CPNE8: variants seen among roughly 807,000 people sequenced by gnomAD.
CPNE8 encodes copine-8.
A neutral mutation model predicts 81.5 loss-of-function variants in CPNE8; 45 were observed. That is an observed-to-expected ratio of 0.55 (90% CI 0.44 to 0.71). CPNE8 has a LOEUF of 0.71. Among genes scored for constraint, CPNE8 ranks in the 30% least tolerant of loss-of-function variants. The pLI is 0.00. For missense variants in CPNE8, 594 were observed against 672.1 expected, an observed-to-expected ratio of 0.88 and a Z score of 1.28; for synonymous variants, 252 against 226.3, an observed-to-expected ratio of 1.11 and a Z score of -1.02.
intron 5 of CPNE8, among the ~76,000 whole-genome samples, chr12:38,834,099 G>A (rs897006216): frequency 1.3e-5 from 2 of 152,138 alleles, no homozygotes; most frequent in African/African-American, 4.8e-5. Context: ...GAAAGCCATT[G>A]GAGGGTTTAA....
chr12:38,778,176 C>A (rs1941973810), intron 6 of CPNE8, among the ~76,000 whole-genome samples: 1 of 152,034 alleles, frequency 6.6e-6, no homozygotes, highest in African/African-American at 2.4e-5. Context: ...CCCGAAACTA[C>A]CCCCAAACCC....
intron 5 of CPNE8, among the ~76,000 whole-genome samples, chr12:38,832,214 G>A (rs1943299273): frequency 6.6e-6 from 1 of 152,164 alleles, no homozygotes; most frequent in African/African-American, 2.4e-5. Flanking sequence ...AAACACCTGA[G>A]TGCTAGGTAA....
rs780052344 is a variant in CPNE8, at chr12:38,745,249, C to G, written c.723-14891G>C. On this transcript the variant is annotated intron_variant, in intron 10 of 19. Transcript: ENST00000331366. The stretch of plus-strand genomic sequence containing the variant: ...TCCATCCTTTTTTGATTCCTACACT[C>G]CTTTCAGATAAATCACATATCATAC... Among the ~76,000 whole-genome samples, 10 of 152,338 alleles carry G rather than the reference C, an allele frequency of 6.6e-5. No individual in the cohort carries two copies. In the South Asian group the frequency reaches 1.0e-3, roughly 16 times the overall value.
intron 6 of CPNE8, among the ~76,000 whole-genome samples, chr12:38,806,791 T>C (rs930083699): frequency 6.7e-6 from 1 of 148,628 alleles, no homozygotes; most frequent in African/African-American, 2.4e-5. Context: ...GGTATTCAAT[T>C]AGGAAAAGAG....
chr12:38,670,747 A>G lies in CPNE8; in HGVS notation c.1488T>C (p.Ala496=), dbSNP rs140871987. 21 of 1,608,230 alleles carry G rather than the reference A, an allele frequency of 1.3e-5. No homozygotes were observed. In the African/African-American group the frequency reaches 2.4e-4, roughly 18 times the overall value. Residue 496 remains alanine (A), a synonymous_variant, in exon 19 of 20, where the codon GCT becomes GCC. Coordinates refer to ENST00000331366, the MANE Select transcript of CPNE8 (RefSeq NM_153634.3). ...TTCTTACCTGCACAATGTCTCTTTC[A>G]GCATATTTTCCTCTAGAGGAGACTC... The part of the protein sequence containing the change: ...DVRVSSRGKY[A]ERDIVQFVPF...
chr12:38,751,759 G>C (rs181465424), intron 10 of CPNE8, among the ~76,000 whole-genome samples: 6 of 152,112 alleles, frequency 3.9e-5, no homozygotes, highest in African/African-American at 1.4e-4. Context: ...TGACAGACAT[G>C]TATGAAACCT....
chr12:38,871,705 C>CT (rs1315059731), intron 3 of CPNE8, among the ~76,000 whole-genome samples: 1 of 152,102 alleles, frequency 6.6e-6, no homozygotes, highest in East Asian at 1.9e-4. Context: ...GGGAGAGAAA[C>CT]TCAGGATGAC....
chr12:38,833,808 A>C (rs1943338483), intron 5 of CPNE8, among the ~76,000 whole-genome samples: 1 of 152,124 alleles, frequency 6.6e-6, no homozygotes, highest in African/African-American at 2.4e-5. Flanking sequence ...AAAGGATAAC[A>C]TGAAGAGCTC....
chr12:38,844,979 C>T (rs182203661), intron 4 of CPNE8, among the ~76,000 whole-genome samples: 127 of 152,120 alleles, frequency 8.3e-4, no homozygotes, highest in African/African-American at 2.9e-3. Flanking sequence ...GAAAATTGAT[C>T]ACACAAAATG....
At chr12:38,695,342 C>T (rs1398109624) in intron 14 of CPNE8, among the ~76,000 whole-genome samples, 4 of 152,146 alleles carry the variant, frequency 2.6e-5, no homozygotes. Flanking sequence ...TCAATAAGAA[C>T]CAATTAGCAA....
chr12:38,775,915 CA>C (rs1465178267), intron 7 of CPNE8, among the ~76,000 whole-genome samples: 1 of 152,006 alleles, frequency 6.6e-6, no homozygotes, highest in African/African-American at 2.4e-5. Context: ...AAAAATACTG[CA>C]AAAAAGTTTG....
At chr12:38,707,990 C>A (rs560456839) in intron 13 of CPNE8, among the ~76,000 whole-genome samples, 1 of 152,128 alleles carries the variant, frequency 6.6e-6, no homozygotes, top group Non-Finnish European at 1.5e-5. Context: ...TTATATTGTT[C>A]AATGACAAAG....
At chr12:38,729,197 C>G (rs1327364025) in intron 11 of CPNE8, among the ~76,000 whole-genome samples, 2 of 152,046 alleles carry the variant, frequency 1.3e-5, no homozygotes, top group Non-Finnish European at 2.9e-5. Context: ...GTTAGGCAGA[C>G]AAAATAGGTA....
intron 3 of CPNE8, among the ~76,000 whole-genome samples, chr12:38,866,514 T>C (rs1592145119): frequency 6.6e-6 from 1 of 152,272 alleles, no homozygotes; most frequent in Non-Finnish European, 1.5e-5. Context: ...TAGCTTTGTA[T>C]GTTTCATCAT....
Position 38,868,090 on chromosome 12 carries a change from A to G in CPNE8, c.186+4914T>C, listed in dbSNP as rs142120324. 6.2e-3 allele frequency among the ~76,000 whole-genome samples: 939 copies of G among 152,236 alleles called. 2 individuals carry two copies. The highest frequency in any genetic ancestry group is 0.011 in the Admixed American group (166 of 15,288). ...AGAACATAAATTCATATGGCTTGTT[A>G]TATACATGCTTTTCCAAAATATACC... On this transcript the variant is annotated intron_variant, in intron 3 of 19. Transcript: ENST00000331366.
At chr12:38,794,239 C>T (rs1942400159) in intron 6 of CPNE8, among the ~76,000 whole-genome samples, 1 of 152,060 alleles carries the variant, frequency 6.6e-6, no homozygotes, top group Non-Finnish European at 1.5e-5. Context: ...TATCAAAGGA[C>T]ATGCTCAACA....
At chr12:38,881,110 T>G (rs749460565) in intron 1 of CPNE8, among the ~76,000 whole-genome samples, 6 of 150,214 alleles carry the variant, frequency 4.0e-5, no homozygotes, top group Admixed American at 1.3e-4. Context: ...CTCGGGAGGC[T>G]AAGACAGGAG....
intron 19 of CPNE8, among the ~76,000 whole-genome samples, chr12:38,670,491 T>G (rs1239242594): frequency 6.6e-6 from 1 of 152,148 alleles, no homozygotes; most frequent in Non-Finnish European, 1.5e-5. Context: ...ATTTCTCTAT[T>G]TTTTCTAACC....
chr12:38,772,369 G>A (rs757335332), intron 7 of CPNE8, among the ~76,000 whole-genome samples: 7 of 151,552 alleles, frequency 4.6e-5, no homozygotes, highest in Non-Finnish European at 1.0e-4. Context: ...AAATATATAA[G>A]GAACTCCTAC....
Sources: allele counts gnomAD v4.1 joint callset (sites outside exome capture counted in the v4.1 genomes callset), GRCh38; gene constraint gnomAD v4.1.1; transcripts MANE v1.5; gene names NCBI Gene and HGNC (gene_info 2026-07-23, HGNC 2026-07-21).